ZNF185: variants seen among roughly 807,000 people sequenced by gnomAD.
ZNF185 encodes zinc finger protein 185.
ZNF185 carries 56 observed loss-of-function variants against 58.6 expected under a neutral mutation model. That is an observed-to-expected ratio of 0.95 (90% CI 0.77 to 1.19). ZNF185 has a LOEUF of 1.19. Ranked by LOEUF, ZNF185 falls within the 50% of genes most tolerant of loss-of-function variation. The pLI, the probability that ZNF185 is intolerant of heterozygous loss-of-function variation, is 0.00. For synonymous variants in ZNF185, 230 were observed against 215.9 expected, an observed-to-expected ratio of 1.07 and a Z score of -0.57; for missense variants, 627 against 573.5, an observed-to-expected ratio of 1.09 and a Z score of -0.95.
intron 13 of ZNF185, among the ~76,000 whole-genome samples, chrX:152,932,550 G>C (rs1166600475): frequency 3.6e-5 from 4 of 111,981 alleles, no homozygotes; most frequent in Non-Finnish European, 5.6e-5. Flanking sequence ...CCCTGGAAAT[G>C]AGGAAAGGAA....
At chrX:152,908,258 G>T in the ZNF185 span, among the ~76,000 whole-genome samples, 3 of 112,639 alleles carry the variant, frequency 2.7e-5, no homozygotes, top group African/African-American at 6.4e-5. Context: ...GCCTGAGTTC[G>T]CAGAGGAAGA....
chrX:152,965,459 C>T (rs372793244), exon 19 of ZNF185: 36 of 1,181,400 alleles, frequency 3.0e-5, no homozygotes, highest in Non-Finnish European at 3.9e-5. Context: ...AAGGGATTCT[C>T]TTCGTGAAGG....
In ZNF185 at chrX:152,949,987, G is replaced by A. The variant is rs143202549; in HGVS notation, c.1409+4523G>A. Among the ~76,000 whole-genome samples, 316 of 111,372 alleles carry A rather than the reference G, an allele frequency of 2.8e-3. 1 individual carries two copies. Among genetic ancestry groups the A allele is most frequent in the African/African-American group, 0.01 (311 of 30,620 alleles). On this transcript the variant is annotated intron_variant, in intron 16 of 22. Transcript: ENST00000449285. ...GGGAGATTGAGTTTTTCATCAGTTG[G>A]CAAGTTTTCACTTTAATACTCCACT...
chrX:152,941,701 A>G, intron 15 of ZNF185: 2 of 1,164,121 alleles, frequency 1.7e-6, no homozygotes, highest in Admixed American at 2.6e-5. Context: ...GACCGTCCAC[A>G]AAGTGAAATG....
At chrX:152,939,120 G>C (rs1332852437) in intron 15 of ZNF185, among the ~76,000 whole-genome samples, 1 of 112,021 alleles carries the variant, frequency 8.9e-6, no homozygotes, top group Non-Finnish European at 1.9e-5. Context: ...TTAAGCCAAA[G>C]GGGAGTCTCA....
intron 20 of ZNF185, among the ~76,000 whole-genome samples, chrX:152,967,736 G>T (rs2050258113): frequency 8.9e-6 from 1 of 112,246 alleles, no homozygotes; most frequent in African/African-American, 3.2e-5. Context: ...ACCTCGTTCA[G>T]CAGTTTTGAA....
intron 14 of ZNF185, among the ~76,000 whole-genome samples, chrX:152,933,511 G>C (rs1171057273): frequency 8.9e-6 from 1 of 112,284 alleles, no homozygotes; most frequent in African/African-American, 3.2e-5. Context: ...CTGGGCTCTG[G>C]CTTCTTGGAC....
At chrX:152,925,143 ATAAAAAT>A (rs1183152787) in intron 11 of ZNF185, among the ~76,000 whole-genome samples, 43 of 112,168 alleles carry the variant, frequency 3.8e-4, no homozygotes, top group African/African-American at 1.3e-3. Context: ...AAAATAAAAA[ATAAAAAT>A]TAAAAATTAG....
chrX:152,917,526 A>G (rs782553659), intron 5 of ZNF185, among the ~76,000 whole-genome samples, 164 bp downstream of exon 6: 1 of 111,535 alleles, frequency 9.0e-6, no homozygotes, highest in African/African-American at 3.3e-5. Context: ...TGGGGTGACC[A>G]GAGGAGATGG....
intron 16 of ZNF185, among the ~76,000 whole-genome samples, chrX:152,955,575 A>G (rs1324585784): frequency 8.9e-6 from 1 of 112,783 alleles, no homozygotes; most frequent in Non-Finnish European, 1.9e-5. Context: ...GCATGAGCTC[A>G]GTACACAACA....
chrX:152,971,080 C>T (rs1273193155), intron 22 of ZNF185, among the ~76,000 whole-genome samples, 194 bp from the exon 25 acceptor site: 1 of 111,947 alleles, frequency 8.9e-6, no homozygotes, highest in Non-Finnish European at 1.9e-5. Flanking sequence ...ATCACGGTGT[C>T]TGAGCACAGA....
intron 15 of ZNF185, among the ~76,000 whole-genome samples, chrX:152,942,256 T>C (rs1349593840): frequency 1.8e-5 from 2 of 111,873 alleles, no homozygotes; most frequent in Non-Finnish European, 3.8e-5. Flanking sequence ...CCCTATTCCA[T>C]CTTGGGCCGC....
At chrX:152,898,139 G>A in the ZNF185 span, among the ~76,000 whole-genome samples, 1 of 109,123 alleles carries the variant, frequency 9.2e-6, no homozygotes, top group Non-Finnish European at 1.9e-5. Context: ...CTGCCTCCCC[G>A]GCCCGGCCCG....
chrX:152,923,249 T>G (rs1455239306), intron 11 of ZNF185, among the ~76,000 whole-genome samples: 1 of 111,947 alleles, frequency 8.9e-6, no homozygotes, highest in Non-Finnish European at 1.9e-5. Context: ...CAAGGGCTGT[T>G]CAGGCTCTCC....
At chrX:152,914,227 C>T (rs1445077983), upstream of ZNF185, among the ~76,000 whole-genome samples, 2 of 111,900 alleles carry the variant, frequency 1.8e-5, no homozygotes, top group African/African-American at 6.5e-5. Flanking sequence ...TCTAGGTGAG[C>T]AGCCCTGGGC....
At chrX:152,945,366 T>C in exon 16 of ZNF185, 1 of 1,207,286 alleles carries the variant, frequency 8.3e-7, no homozygotes, top group African/African-American at 1.7e-5. Flanking sequence ...GAGACCCAGC[T>C]GTACCCGCTC....
intron 6 of ZNF185, among the ~76,000 whole-genome samples, chrX:152,918,447 C>T (rs1257814215): frequency 1.8e-5 from 2 of 113,121 alleles, no homozygotes; most frequent in Non-Finnish European, 3.7e-5. Flanking sequence ...GGTCGTGAGG[C>T]TGCTGCTGGC....
At chrX:152,954,203 C>T in intron 16 of ZNF185, among the ~76,000 whole-genome samples, 1 of 108,910 alleles carries the variant, frequency 9.2e-6, no homozygotes, top group East Asian at 2.9e-4. Context: ...CAGCTACTTT[C>T]AAGGGCCAGT....
At chrX:152,961,069 C>G (rs987465412) in intron 17 of ZNF185, among the ~76,000 whole-genome samples, 19 of 112,082 alleles carry the variant, frequency 1.7e-4, no homozygotes, top group African/African-American at 6.2e-4. Context: ...GGCGATCGTC[C>G]TGTCCACTTA....
Sources: gnomAD v4.1 joint callset for allele counts (sites outside exome capture counted in the v4.1 genomes callset) on GRCh38, gnomAD v4.1.1 for gene constraint, MANE v1.5 for transcripts, NCBI Gene and HGNC (gene_info 2026-07-23, HGNC 2026-07-21) for gene names.